The following CCER1 variants were observed in gnomAD, a reference collection of about 807,000 sequenced individuals.
The protein encoded by CCER1 is coiled-coil domain-containing glutamate-rich protein 1.
For synonymous variants in CCER1, 246 were observed against 213.8 expected, an observed-to-expected ratio of 1.15 and a Z score of -1.31; for missense variants, 573 against 524.5, an observed-to-expected ratio of 1.09 and a Z score of -0.90.
At position 90,954,224 on chromosome 12, in the gene CCER1, G is replaced by C; in HGVS notation, c.519C>G (p.Val173=). 1 of 1,607,410 alleles carries C rather than the reference G, an allele frequency of 6.2e-7. No homozygotes were observed. The highest frequency in any genetic ancestry group is 8.5e-7 in the Non-Finnish European group (1 of 1,179,860). ...CAGGCTCTCTCCACTCATACAGCTT[G>C]ACCGGCCGCGGCAGCGTGCTCACAT... ...PADVSTLPRP[V]KLYEWREPGM... Residue 173 remains valine, a synonymous_variant, in exon 1 of 1, where the codon GTC becomes GTG. Coordinates refer to ENST00000358859, the MANE Select transcript of CCER1 (RefSeq NM_152638.4).
At position 90,953,508 on chromosome 12, in the gene CCER1, C is replaced by T; in HGVS notation, c.*14G>A. 6.3e-7 allele frequency: 1 copy of T among 1,592,740 alleles called. No individual in the cohort carries two copies. The highest frequency in any genetic ancestry group is 8.5e-7 in the Non-Finnish European group (1 of 1,171,192). ...AATCAGTTCCATCCCTTTTCTCAATCCCTTTTCTGATGTCTAACAGTTAAA... is the reference window on the plus strand; with the variant it reads ...AATCAGTTCCATCCCTTTTCTCAATTCCTTTTCTGATGTCTAACAGTTAAA... On this transcript the variant is annotated 3_prime_UTR_variant, in exon 1 of 1. Transcript: ENST00000358859.
rs776041441 is a variant in CCER1 at position 90,954,378 on chromosome 12, C to G, written c.365G>C (p.Cys122Ser). 2 of 1,611,496 alleles carry G rather than the reference C, an allele frequency of 1.2e-6. No homozygotes were observed. The highest frequency in any genetic ancestry group is 1.7e-6 in the Non-Finnish European group (2 of 1,179,928). Residue 122 changes from cysteine to serine, a missense_variant, in exon 1 of 1, where the codon TGC becomes TCC. Transcript: ENST00000358859. ...YGLHPLCFCC[C>S]SCWSGSWNPG... is the part of the protein sequence containing the mutation. ...GTTCCAGGACCCGCTCCAGCAGGAGCAGCAGCAAAAGCAGAGAGGGTGCAG... is the reference window on the plus strand; with the variant it reads ...GTTCCAGGACCCGCTCCAGCAGGAGGAGCAGCAAAAGCAGAGAGGGTGCAG...
At position 90,954,656 on chromosome 12, in the gene CCER1, C is replaced by G; in HGVS notation, c.87G>C (p.Ser29=). Residue 29 remains serine (S), a synonymous_variant, in exon 1 of 1, where the codon TCG becomes TCC. Transcript: ENST00000358859. ...GGGCGCGWAH[S]ASLSSWSSCH... ...AGGACGACCAGGAGCTCAAGGAGGCCGAGTGTGCCCAGCCACAGCCACAGC... is the reference window on the plus strand; with the variant it reads ...AGGACGACCAGGAGCTCAAGGAGGCGGAGTGTGCCCAGCCACAGCCACAGC... 1 of 1,599,992 alleles carries G rather than the reference C, an allele frequency of 6.3e-7. No homozygotes were observed. Among genetic ancestry groups the G allele is most frequent in the Non-Finnish European group, 8.5e-7 (1 of 1,174,612 alleles).
Position 90,953,084 on chromosome 12 carries a change from T to C in CCER1, c.*438A>G, listed in dbSNP as rs1043042620. ...ATGGCTTCAGTTATGTTAAGAGCAC[T>C]GGTGAACATTTAGTAGCGTTAGAAT... On this transcript the variant is annotated 3_prime_UTR_variant, in exon 1 of 1. Transcript: ENST00000358859. The C allele has an allele frequency of 1.3e-5, 2 of 157,532 alleles. No individual in the cohort carries two copies. The highest frequency in any genetic ancestry group is 4.8e-5 in the African/African-American group (2 of 41,692). The allele number at this position is 157,532 out of a possible 1,614,324, so 9.8% of individuals were successfully genotyped here. A position where few individuals can be genotyped will look rare whatever the true frequency, so the allele number is the denominator to read the frequency against.
At position 90,954,572 on chromosome 12, in the gene CCER1, C is replaced by A; in HGVS notation, c.171G>T (p.Lys57Asn). 6.2e-7 allele frequency: 1 copy of A among 1,614,032 alleles called. No individual in the cohort carries two copies. Among genetic ancestry groups the A allele is most frequent in the Non-Finnish European group, 8.5e-7 (1 of 1,180,014 alleles). ...GCTTCCTTGGGGGCCCATACTCGGT[C>A]TTGGGGCTATATCGGTGCGGTCTAT... The part of the protein sequence containing the change: ...AYNRPHRYSP[K>N]TEYGPPRKQP... The change falls in exon 1 of 1, where the codon AAG becomes AAT. Residue 57 changes from lysine to asparagine, a missense_variant. Transcript: ENST00000358859.
In CCER1 at chr12:90,953,562, G is replaced by A; in HGVS notation, c.1181C>T (p.Pro394Leu). The A allele has an allele frequency of 6.2e-7, 1 of 1,613,952 alleles. No homozygotes were observed. Residue 394 changes from proline (P) to leucine (L), a missense_variant, in exon 1 of 1, where the codon CCA becomes CTA. Coordinates refer to ENST00000358859, the MANE Select transcript of CCER1 (RefSeq NM_152638.4). ...CTGTGCCATGAACAGGGATTCCTGT[G>A]GCACTTTGGGAATTATCTGCTCTGG... ...LNPEQIIPKV[P>L]QESLFMAQDF...
rs1396826920 is a variant in CCER1, at chr12:90,953,933, A to G, written c.810T>C (p.Ser270=). ...CTTCTTCCACCAGCAGCGGGGCAAG[A>G]GACTGGTTTTCCTCTGGGTTGGGAC... ...AFSPNPEENQ[S]LAPLLVEEEE... is the part of the protein sequence containing the mutation. The change falls in exon 1 of 1, where the codon TCT becomes TCC. Residue 270 remains serine, a synonymous_variant. Transcript: ENST00000358859. The G allele has an allele frequency of 6.2e-6, 10 of 1,613,992 alleles. No individual in the cohort carries two copies. Among genetic ancestry groups the G allele is most frequent in the Non-Finnish European group, 8.5e-6 (10 of 1,179,992 alleles).
Position 90,953,825 on chromosome 12 carries a change from CTCT to C in CCER1, c.915_917del (p.Glu306del), listed in dbSNP as rs771825785. On this transcript the variant is annotated inframe_deletion, in exon 1 of 1. Transcript: ENST00000358859. ...CGACCTCTTCCTCCTCATCTTCGAC[CTCT>C]TCTTCCTCCTCGCTCGCCTCCTTTG... 6.4e-7 allele frequency: 1 copy of C among 1,573,350 alleles called. No homozygotes were observed. The highest frequency in any genetic ancestry group is 8.7e-7 in the Non-Finnish European group (1 of 1,143,062).
In CCER1 at chr12:90,954,331, C is replaced by CT. The variant is rs1565866590; in HGVS notation, c.411dup (p.Gly138ArgfsTer40). 2 of 1,606,346 alleles carry CT rather than the reference C, an allele frequency of 1.2e-6. No homozygotes were observed. The highest frequency in any genetic ancestry group is 1.7e-6 in the Non-Finnish European group (2 of 1,179,288). ...CTGCGGCCCCAGCGCTTCTTCCTGC[C>CT]TGGGGGCTTCACCCAGCCAGGGTTC... On this transcript the variant is annotated frameshift_variant, in exon 1 of 1. Coordinates refer to ENST00000358859, the MANE Select transcript of CCER1 (RefSeq NM_152638.4). LOFTEE classifies it low-confidence loss of function (END_TRUNC).
chr12:90,954,490 A>T lies in CCER1; in HGVS notation c.253T>A (p.Trp85Arg), dbSNP rs1876587013. The T allele has an allele frequency of 1.2e-6, 2 of 1,611,066 alleles. No individual in the cohort carries two copies. Among genetic ancestry groups the T allele is most frequent in the Non-Finnish European group, 1.7e-6 (2 of 1,177,822 alleles). Reference sequence around the variant, plus strand: ...CGCCAGGGCCCTCCCCAGCACCCCCAGTTAGAGCACACGGGTGGTTGGAAC... The same window carrying T: ...CGCCAGGGCCCTCCCCAGCACCCCCTGTTAGAGCACACGGGTGGTTGGAAC... ...FWFQPPVCSNWGCWGGPWRPP... is the reference protein window; with the variant it reads ...FWFQPPVCSNRGCWGGPWRPP... The change falls in exon 1 of 1, where the codon TGG becomes AGG. Residue 85 changes from tryptophan to arginine, a missense_variant. Coordinates refer to ENST00000358859, the MANE Select transcript of CCER1 (RefSeq NM_152638.4).
At position 90,955,069 on chromosome 12, in the gene CCER1, C is replaced by T. The variant is rs1428742933; in HGVS notation, c.-327G>A. On this transcript the variant is annotated 5_prime_UTR_variant, in exon 1 of 1. Coordinates refer to ENST00000358859, the MANE Select transcript of CCER1 (RefSeq NM_152638.4). ...CCCACTCCCGGGTCCCCACCACACC[C>T]GGCTCTGCTGAGGCACGGGCTGGGG... 2 of 413,354 alleles carry T rather than the reference C, an allele frequency of 4.8e-6. No homozygotes were observed. Among genetic ancestry groups the T allele is most frequent in the Non-Finnish European group, 9.0e-6 (2 of 221,602 alleles). The allele number at this position is 413,354 out of a possible 1,614,324, so 25.6% of individuals were successfully genotyped here.
rs1251655891 is a variant in CCER1, at chr12:90,952,478, T to C, written c.*1044A>G. On this transcript the variant is annotated 3_prime_UTR_variant, in exon 1 of 1. Coordinates refer to ENST00000358859, the MANE Select transcript of CCER1 (RefSeq NM_152638.4). ...GAAATGTATTATTACTTCCTAAAAATGTTTGAACAAAAGCTATTACTTTGA... is the reference window on the plus strand; with the variant it reads ...GAAATGTATTATTACTTCCTAAAAACGTTTGAACAAAAGCTATTACTTTGA... 6.6e-6 allele frequency: 1 copy of C among 152,230 alleles called. No homozygotes were observed. The allele number at this position is 152,230 out of a possible 1,614,324, so 9.4% of individuals were successfully genotyped here. A position where few individuals can be genotyped will look rare whatever the true frequency, so the allele number is the denominator to read the frequency against.
chr12:90,954,867 AC>A lies in CCER1; in HGVS notation c.-126del. On this transcript the variant is annotated 5_prime_UTR_variant, in exon 1 of 1. Transcript: ENST00000358859. Reference sequence around the variant, plus strand: ...TCTCTCCACGCAGCGCCACGTGTCTACCCCTGGGATCACGTTTTCCTCTCCA... The same window carrying A: ...TCTCTCCACGCAGCGCCACGTGTCTACCCTGGGATCACGTTTTCCTCTCCA... The A allele has an allele frequency of 6.9e-7, 1 of 1,447,578 alleles. No individual in the cohort carries two copies. Among genetic ancestry groups the A allele is most frequent in the South Asian group, 1.5e-5 (1 of 67,602 alleles). 89.7% of individuals were successfully genotyped at this position (1,447,578 alleles called of 1,614,324 possible).
In CCER1 at chr12:90,953,326, T is replaced by C; in HGVS notation, c.*196A>G. 4.0e-6 allele frequency: 2 copies of C among 497,416 alleles called. No homozygotes were observed. The highest frequency in any genetic ancestry group is 6.7e-6 in the Non-Finnish European group (2 of 299,466). The allele number at this position is 497,416 out of a possible 1,614,324, so 30.8% of individuals were successfully genotyped here. ...TTAATCAGTTCCAGTAAAATTATAT[T>C]TGAAAGCTTCCCCACCACCCACCCA... On this transcript the variant is annotated 3_prime_UTR_variant, in exon 1 of 1. Coordinates refer to ENST00000358859, the MANE Select transcript of CCER1 (RefSeq NM_152638.4).
chr12:90,954,473 C>G lies in CCER1; in HGVS notation c.270G>C (p.Gly90=). Residue 90 remains glycine, a synonymous_variant, in exon 1 of 1, where the codon GGG becomes GGC. Coordinates refer to ENST00000358859, the MANE Select transcript of CCER1 (RefSeq NM_152638.4). ...ATCCTGGAGGGGGTGGGCGCCAGGG[C>G]CCTCCCCAGCACCCCCAGTTAGAGC... The part of the protein sequence containing the change: ...PVCSNWGCWG[G]PWRPPPPGFW... 6.2e-7 allele frequency: 1 copy of G among 1,609,496 alleles called. No individual in the cohort carries two copies. Among genetic ancestry groups the G allele is most frequent in the Non-Finnish European group, 8.5e-7 (1 of 1,176,882 alleles).
rs1274401322 is a variant in CCER1, at chr12:90,952,872, C to A, written c.*650G>T. Reference sequence around the variant, plus strand: ...GATTGTTGAGGCCATGGCAGATAACCAGTTCCACAGAAGCAACTTCATGTT... The same window carrying A: ...GATTGTTGAGGCCATGGCAGATAACAAGTTCCACAGAAGCAACTTCATGTT... On this transcript the variant is annotated 3_prime_UTR_variant, in exon 1 of 1. Coordinates refer to ENST00000358859, the MANE Select transcript of CCER1 (RefSeq NM_152638.4). 6.6e-6 allele frequency: 1 copy of A among 152,636 alleles called. No homozygotes were observed. The highest frequency in any genetic ancestry group is 1.5e-5 in the Non-Finnish European group (1 of 68,076). The allele number at this position is 152,636 out of a possible 1,614,324, so 9.5% of individuals were successfully genotyped here. A position where few individuals can be genotyped will look rare whatever the true frequency, so the allele number is the denominator to read the frequency against.
Position 90,954,878 on chromosome 12 carries a change from C to G in CCER1, c.-136G>C. 6.9e-7 allele frequency: 1 copy of G among 1,439,750 alleles called. No homozygotes were observed. 89.2% of individuals were successfully genotyped at this position (1,439,750 alleles called of 1,614,324 possible). A position where few individuals can be genotyped will look rare whatever the true frequency, so the allele number is the denominator to read the frequency against. ...AGCGCCACGTGTCTACCCCTGGGATCACGTTTTCCTCTCCAGGAGGCTGCT... is the reference window on the plus strand; with the variant it reads ...AGCGCCACGTGTCTACCCCTGGGATGACGTTTTCCTCTCCAGGAGGCTGCT... On this transcript the variant is annotated 5_prime_UTR_variant, in exon 1 of 1. Coordinates refer to ENST00000358859, the MANE Select transcript of CCER1 (RefSeq NM_152638.4).
Position 90,952,672 on chromosome 12 carries a change from A to T in CCER1, c.*850T>A, listed in dbSNP as rs1043386351. The stretch of plus-strand genomic sequence containing the variant: ...GATAATCTTTTTATCTAAAAAAAAA[A>T]ATCCATTCTGGAAAACTATTTTTAT... On this transcript the variant is annotated 3_prime_UTR_variant, in exon 1 of 1. Coordinates refer to ENST00000358859, the MANE Select transcript of CCER1 (RefSeq NM_152638.4). The T allele has an allele frequency of 1.6e-4, 25 of 152,580 alleles. No homozygotes were observed. The highest frequency in any genetic ancestry group is 1.2e-3 in the Admixed American group (19 of 15,284). 9.5% of individuals were successfully genotyped at this position (152,580 alleles called of 1,614,324 possible).
Position 90,954,715 on chromosome 12 carries a change from C to G in CCER1, c.28G>C (p.Asp10His), listed in dbSNP as rs755395979. MTQTLDTRE[D>H]PLNLGGGGGG... ...CCACCGCCGCCCAGGTTCAGAGGGT[C>G]TTCCCTTGTGTCGAGGGTCTGAGTC... Residue 10 changes from aspartate (D) to histidine (H), a missense_variant, in exon 1 of 1, where the codon GAC (aspartate) becomes CAC (histidine). Coordinates refer to ENST00000358859, the MANE Select transcript of CCER1 (RefSeq NM_152638.4). The G allele has an allele frequency of 6.4e-7, 1 of 1,557,804 alleles. No individual in the cohort carries two copies. Among genetic ancestry groups the G allele is most frequent in the African/African-American group, 1.4e-5 (1 of 73,460 alleles).
Sources: allele counts gnomAD v4.1 joint callset, GRCh38; gene constraint gnomAD v4.1.1; transcripts MANE v1.5; gene names NCBI Gene and HGNC (gene_info 2026-07-23, HGNC 2026-07-21).